Variants in ANK3 observed in about 807,000 individuals in gnomAD.
ANK3 encodes ankyrin 3, also known as ankyrin-3.
Under a neutral mutation model 370.9 loss-of-function variants are expected in ANK3, and 57 were observed. The ratio of observed to expected loss-of-function variants is 0.15; its 90% CI spans 0.12 to 0.19. The LOEUF (loss-of-function observed/expected upper bound fraction) is 0.19. Ranked by LOEUF, ANK3 falls within the 10% of genes least tolerant of loss-of-function variation. The pLI is 1.00. For missense variants in ANK3, 4,439 were observed against 5,302.1 expected, an observed-to-expected ratio of 0.84 and a Z score of 5.06; for synonymous variants, 1,929 against 1,946.3, an observed-to-expected ratio of 0.99 and a Z score of 0.23.
chr10:60,596,936 C>A (rs1286099428), intron 2 of ANK3, among the ~76,000 whole-genome samples: 2 of 151,866 alleles, frequency 1.3e-5, no homozygotes, highest in African/African-American at 2.4e-5. Context: ...TTATAAGAAA[C>A]CAAGTTTTTA....
At chr10:60,460,999 G>C (rs889562768) in intron 2 of ANK3, among the ~76,000 whole-genome samples, 1 of 152,150 alleles carries the variant, frequency 6.6e-6, no homozygotes, top group Non-Finnish European at 1.5e-5. Flanking sequence ...ACTTCTAGTG[G>C]AACACTGGCT....
At chr10:60,428,102 A>G (rs1567032473) in intron 2 of ANK3, among the ~76,000 whole-genome samples, 1 of 152,146 alleles carries the variant, frequency 6.6e-6, no homozygotes, top group Non-Finnish European at 1.5e-5. Flanking sequence ...CAATTCTGAA[A>G]GGTTAATTAA....
At chr10:60,425,057 T>G (rs2063853645) in intron 2 of ANK3, among the ~76,000 whole-genome samples, 2 of 151,948 alleles carry the variant, frequency 1.3e-5, no homozygotes, top group African/African-American at 4.8e-5. Flanking sequence ...TGACACTATG[T>G]TCATAGGGTG....
Position 60,029,875 on chromosome 10 carries a change from C to CTTTTTTTTTTTTTTTTTTTTT in ANK3, c.*20-70_*20-50dup, listed in dbSNP as rs71015756. 149 of 68,644 alleles carry CTTTTTTTTTTTTTTTTTTTTT rather than the reference C, an allele frequency of 2.2e-3. 5 individuals carry two copies. The highest frequency in any genetic ancestry group is 2.6e-3 in the Non-Finnish European group (104 of 39,952). The allele number at this position is 68,644 out of a possible 1,614,324, so 4.3% of individuals were successfully genotyped here. On this transcript the variant is annotated intron_variant, in intron 43 of 43. Transcript: ENST00000280772. ...TGAGTTTAGCTTTCTTTTTCTTTTTCTTTTTTTTTTTTTTTTTTTTTTTTT... is the reference window on the plus strand; with the variant it reads ...TGAGTTTAGCTTTCTTTTTCTTTTTCTTTTTTTTTTTTTTTTTTTTTTTTTTTTTTTTTTTTTTTTTTTTTT...
intron 1 of ANK3, among the ~76,000 whole-genome samples, chr10:60,330,397 A>G (rs1281393617): frequency 1.3e-5 from 2 of 152,250 alleles, no homozygotes; most frequent in African/African-American, 4.8e-5. Flanking sequence ...ACAAAGGGCT[A>G]ATATCTAGAA....
intron 24 of ANK3, chr10:60,138,486 A>G (rs1302046542): frequency 7.6e-6 from 3 of 396,934 alleles, no homozygotes; most frequent in Non-Finnish European, 1.3e-5. Context: ...ATACTCAAAC[A>G]CTTGGTGGAC....
At chr10:60,132,937 T>A (rs1220025756) in intron 25 of ANK3, among the ~76,000 whole-genome samples, 1 of 152,066 alleles carries the variant, frequency 6.6e-6, no homozygotes, top group Non-Finnish European at 1.5e-5. Flanking sequence ...TTAATAGAGT[T>A]TTTTTGTCTG....
chr10:60,411,175 T>G (rs1346213533), intron 2 of ANK3, among the ~76,000 whole-genome samples: 1 of 152,144 alleles, frequency 6.6e-6, no homozygotes, highest in African/African-American at 2.4e-5. Context: ...ACTTTTATTA[T>G]GTTAGATTTG....
At chr10:60,692,227 A>C (rs1209496380) in intron 1 of ANK3, among the ~76,000 whole-genome samples, 6 of 152,202 alleles carry the variant, frequency 3.9e-5, no homozygotes, top group African/African-American at 1.4e-4. Context: ...CAGTGTTCCT[A>C]CATAAGCAAT....
chr10:60,088,347 G>C lies in ANK3; in HGVS notation c.3340C>G (p.Pro1114Ala). 5.6e-6 allele frequency: 9 copies of C among 1,613,970 alleles called. No individual in the cohort carries two copies. Among genetic ancestry groups the C allele is most frequent in the Non-Finnish European group, 7.6e-6 (9 of 1,179,918 alleles). Residue 1114 changes from proline (P) to alanine (A), a missense_variant, in exon 29 of 44, where the codon CCA becomes GCA. This residue lies in a region of ANK3 where 702 missense variants were observed against 941.5 expected (regional missense o/e 0.75). Transcript: ENST00000280772. ...LNGMDEELDS[P>A]EELGKKRICR... ...ATACGCTTTTTCCCTAACTCTTCTG[G>C]GCTATCAAGTTCTGAAAAGACAAAT...
At chr10:60,515,661 G>A (rs1000124638) in intron 2 of ANK3, among the ~76,000 whole-genome samples, 2 of 152,130 alleles carry the variant, frequency 1.3e-5, no homozygotes, top group African/African-American at 4.8e-5. Flanking sequence ...TCAACACCAA[G>A]TTCCATCCTT....
intron 1 of ANK3, among the ~76,000 whole-genome samples, chr10:60,321,977 C>T (rs2048768980): frequency 6.6e-6 from 1 of 152,072 alleles, no homozygotes; most frequent in African/African-American, 2.4e-5. Flanking sequence ...AAATGATTCC[C>T]TAGTTTTTGG....
chr10:60,196,471 G>T, intron 15 of ANK3, 56 bp downstream of exon 15: 1 of 1,188,602 alleles, frequency 8.4e-7, no homozygotes, highest in Non-Finnish European at 1.2e-6. Flanking sequence ...TATTAGCAAG[G>T]GTGTATTTTG....
At chr10:60,222,663 C>T (rs1306889241) in intron 8 of ANK3, among the ~76,000 whole-genome samples, 5 of 152,166 alleles carry the variant, frequency 3.3e-5, no homozygotes, top group Non-Finnish European at 5.9e-5. Context: ...CATTCAAAGT[C>T]GTCTAAAATC....
chr10:60,215,685 CG>C (rs2096925967), intron 8 of ANK3, among the ~76,000 whole-genome samples: 2 of 151,714 alleles, frequency 1.3e-5, no homozygotes, highest in Admixed American at 1.3e-4. Flanking sequence ...CTGAGGTCTC[CG>C]TTCTGCTCCA....
chr10:60,332,514 C>A (rs1169870747), intron 1 of ANK3, among the ~76,000 whole-genome samples: 1 of 152,130 alleles, frequency 6.6e-6, no homozygotes, highest in Non-Finnish European at 1.5e-5. Flanking sequence ...GCCAGTTGCA[C>A]CCCTTTGTAG....
intron 42 of ANK3, chr10:60,053,836 A>C (rs996005459): frequency 1.2e-6 from 1 of 866,978 alleles, no homozygotes; most frequent in Non-Finnish European, 1.5e-6. Flanking sequence ...CATCCTAAAC[A>C]TCTTTGGTTT....
chr10:60,421,841 G>A (rs922608636), intron 2 of ANK3, among the ~76,000 whole-genome samples: 1 of 152,042 alleles, frequency 6.6e-6, no homozygotes, highest in Non-Finnish European at 1.5e-5. Flanking sequence ...AGTGGTATCA[G>A]TCAGGTCTGT....
chr10:60,674,549 G>T (rs2079101317), intron 1 of ANK3, among the ~76,000 whole-genome samples: 1 of 152,136 alleles, frequency 6.6e-6, no homozygotes, highest in African/African-American at 2.4e-5. Flanking sequence ...GAATCTGCCT[G>T]CATGACCCAA....
Sources: allele counts gnomAD v4.1 joint callset (sites outside exome capture counted in the v4.1 genomes callset), GRCh38; gene constraint gnomAD v4.1.1; regional missense constraint gnomAD v4.1.1; transcripts MANE v1.5; gene names NCBI Gene and HGNC (gene_info 2026-07-23, HGNC 2026-07-21).